The following JPH3 variants were observed in gnomAD, a reference collection of about 807,000 sequenced individuals.
JPH3 encodes junctophilin-3.
JPH3 carries 11 observed loss-of-function variants against 59.6 expected under a neutral mutation model. The ratio of observed to expected loss-of-function variants is 0.18; its 90% CI spans 0.12 to 0.31. The LOEUF (loss-of-function observed/expected upper bound fraction) is 0.31. Ranked by LOEUF, JPH3 falls within the 10% of genes least tolerant of loss-of-function variation. The pLI, the probability that JPH3 is intolerant of heterozygous loss-of-function variation, is 1.00. For missense variants in JPH3, 1,202 were observed against 1,105.7 expected (o/e 1.09, Z -1.24); for synonymous variants, 673 against 483.6 (o/e 1.39, Z -5.14).
At chr16:87,676,478 G>A (rs1453341786) in intron 2 of JPH3, among the ~76,000 whole-genome samples, 1 of 152,200 alleles carries the variant, frequency 6.6e-6, no homozygotes, top group East Asian at 1.9e-4. Flanking sequence ...GTTCACACCT[G>A]TAATCTCAGC....
intron 2 of JPH3, among the ~76,000 whole-genome samples, chr16:87,651,972 G>GT (rs71156240): frequency 0.14 from 21,593 of 149,296 alleles, 1,691 homozygotes; most frequent in African/African-American, 0.19. Context: ...CATTGTTGTC[G>GT]TTTTTTTTTT....
intron 3 of JPH3, among the ~76,000 whole-genome samples, chr16:87,688,545 G>C (rs1179305106): frequency 6.6e-6 from 1 of 151,814 alleles, no homozygotes; most frequent in Non-Finnish European, 1.5e-5. Context: ...GAGAATGTCC[G>C]AGCGTGAGAG....
intron 1 of JPH3, among the ~76,000 whole-genome samples, chr16:87,643,608 C>G (rs563998339): frequency 6.6e-6 from 1 of 152,210 alleles, no homozygotes; most frequent in Non-Finnish European, 1.5e-5. Flanking sequence ...GCCTCCTAAC[C>G]CAGGACGCGT....
intron 2 of JPH3, among the ~76,000 whole-genome samples, chr16:87,657,460 C>T (rs1440107498): frequency 6.6e-6 from 1 of 152,176 alleles, no homozygotes; most frequent in Non-Finnish European, 1.5e-5. Flanking sequence ...CGACAGTACC[C>T]TGCAAGTGGA....
chr16:87,665,278 T>A (rs2032825677), intron 2 of JPH3, among the ~76,000 whole-genome samples: 1 of 152,192 alleles, frequency 6.6e-6, no homozygotes, highest in Non-Finnish European at 1.5e-5. Flanking sequence ...GGGGCTCCCA[T>A]TGCAAAGCCC....
chr16:87,644,880 G>C lies in JPH3; in HGVS notation c.1005G>C (p.Glu335Asp). The change falls in exon 2 of 5, where the codon GAG becomes GAC. Residue 335 changes from glutamate to aspartate, a missense_variant. Coordinates refer to ENST00000284262, the MANE Select transcript of JPH3 (RefSeq NM_020655.4). ...CMTFPDGTKEEGKYKQNILVG... is the reference protein window; with the variant it reads ...CMTFPDGTKEDGKYKQNILVG... ...CCTTCCCGGACGGCACCAAGGAGGA[G>C]GGCAAGTACAAGCAGAACATCCTCG... 6.2e-7 allele frequency: 1 copy of C among 1,613,470 alleles called. No individual in the cohort carries two copies.
At chr16:87,625,499 A>AG (rs1279843356) in intron 1 of JPH3, among the ~76,000 whole-genome samples, 1 of 152,126 alleles carries the variant, frequency 6.6e-6, no homozygotes, top group Non-Finnish European at 1.5e-5. Context: ...ATTTTCGCAG[A>AG]GGGGCCCCCT....
At chr16:87,676,236 G>A (rs983534381) in intron 2 of JPH3, among the ~76,000 whole-genome samples, 1 of 152,196 alleles carries the variant, frequency 6.6e-6, no homozygotes, top group Admixed American at 6.5e-5. Flanking sequence ...ATCCCTATCA[G>A]AGCAAGGACC....
intron 2 of JPH3, among the ~76,000 whole-genome samples, chr16:87,680,107 C>G (rs1335682224): frequency 2.0e-5 from 3 of 152,252 alleles, no homozygotes; most frequent in Non-Finnish European, 4.4e-5. Context: ...GCAGGGTTGC[C>G]TTGGCAATGA....
At chr16:87,658,072 C>A (rs1032585288) in intron 2 of JPH3, among the ~76,000 whole-genome samples, 1 of 152,164 alleles carries the variant, frequency 6.6e-6, no homozygotes, top group Non-Finnish European at 1.5e-5. Flanking sequence ...TGGTCTCCTA[C>A]CCCGGAAGGC....
At chr16:87,647,621 A>G (rs2032195523) in intron 2 of JPH3, among the ~76,000 whole-genome samples, 1 of 152,072 alleles carries the variant, frequency 6.6e-6, no homozygotes. Flanking sequence ...CATGCGCACA[A>G]CTGGGGTCTT....
At chr16:87,638,695 G>T (rs532451168) in intron 1 of JPH3, among the ~76,000 whole-genome samples, 1 of 152,258 alleles carries the variant, frequency 6.6e-6, no homozygotes, top group East Asian at 1.9e-4. Context: ...GAATGAGCCA[G>T]TGTTGGCCTC....
chr16:87,605,159 T>C (rs1182847594), intron 1 of JPH3, among the ~76,000 whole-genome samples: 1 of 152,190 alleles, frequency 6.6e-6, no homozygotes, highest in Non-Finnish European at 1.5e-5. Flanking sequence ...TGCTCCTGGC[T>C]GAGCCTGCTC....
intron 3 of JPH3, among the ~76,000 whole-genome samples, chr16:87,687,037 C>T (rs949040016): frequency 6.6e-6 from 1 of 152,200 alleles, no homozygotes; most frequent in Non-Finnish European, 1.5e-5. Context: ...CTGGAGGGGG[C>T]GTTGGGACCG....
chr16:87,687,853 TG>T (rs895481291), intron 3 of JPH3, among the ~76,000 whole-genome samples: 12 of 150,832 alleles, frequency 8.0e-5, no homozygotes, highest in South Asian at 2.1e-4. Context: ...CATCGGGGGA[TG>T]GGGGGGGCCT....
chr16:87,695,942 A>G (rs2033823589), intron 4 of JPH3: 1 of 456,040 alleles, frequency 2.2e-6, no homozygotes, highest in Non-Finnish European at 4.4e-6. Context: ...CTTGTGAGCC[A>G]CTTCAGGGAG....
intron 2 of JPH3, among the ~76,000 whole-genome samples, chr16:87,650,727 C>G (rs566690225): frequency 6.6e-6 from 1 of 152,210 alleles, no homozygotes; most frequent in Non-Finnish European, 1.5e-5. Flanking sequence ...CAAGCCTGAT[C>G]CAGAGCAAGG....
intron 2 of JPH3, among the ~76,000 whole-genome samples, chr16:87,677,233 AAAAT>A (rs2033174557): frequency 7.3e-6 from 1 of 136,614 alleles, no homozygotes; most frequent in East Asian, 2.2e-4. Flanking sequence ...CACAAAAAAA[AAAAT>A]TAGCCGGGTG....
In JPH3 at chr16:87,684,269, G is replaced by A. The variant is rs1447588403; in HGVS notation, c.1285+3G>A. 6.2e-7 allele frequency: 1 copy of A among 1,613,862 alleles called. No homozygotes were observed. Among genetic ancestry groups the A allele is most frequent in the South Asian group, 1.1e-5 (1 of 91,046 alleles). On this transcript the variant is annotated splice_donor_region_variant and intron_variant, in intron 3 of 4. Transcript: ENST00000284262. ...TTCCTTCCAGCACCGGGAAAACGGT[G>A]AGTCTCGCCGGGCCTGATACTGGCA...
Sources: gnomAD v4.1 joint callset for allele counts (sites outside exome capture counted in the v4.1 genomes callset) on GRCh38, gnomAD v4.1.1 for gene constraint, MANE v1.5 for transcripts, NCBI Gene and HGNC (gene_info 2026-07-23, HGNC 2026-07-21) for gene names.